CFAP20DC: variants seen among roughly 807,000 people sequenced by gnomAD.
The protein encoded by CFAP20DC is protein CFAP20DC.
CFAP20DC carries 84 observed loss-of-function variants against 101.7 expected under a neutral mutation model. That is an observed-to-expected ratio of 0.83 (90% CI 0.69 to 0.99). CFAP20DC has a LOEUF of 0.99. Ranked by LOEUF, CFAP20DC falls within the 50% of genes least tolerant of loss-of-function variation. The pLI is 0.00. For missense variants in CFAP20DC, 1,007 were observed against 970.3 expected (o/e 1.04, Z -0.50); for synonymous variants, 359 against 351.2 (o/e 1.02, Z -0.25).
intron 11 of CFAP20DC, among the ~76,000 whole-genome samples, chr3:58,866,261 A>G (rs1254405643): frequency 6.6e-6 from 1 of 152,230 alleles, no homozygotes; most frequent in Non-Finnish European, 1.5e-5. Flanking sequence ...TCCATTATAA[A>G]GAGGACTGGA....
intron 7 of CFAP20DC, among the ~76,000 whole-genome samples, chr3:58,883,071 GAATAA>G (rs2081343289): frequency 6.6e-6 from 1 of 152,192 alleles, no homozygotes; most frequent in Admixed American, 6.5e-5. Context: ...TAAGTATAGA[GAATAA>G]AATGAGTTCA....
rs75027726 is a variant in CFAP20DC, at chr3:58,947,978, C to T, written c.279-10216G>A. ...ACTGACTCCCAATCCCCAAGGGTTA[C>T]GGGCTGCCTTTAGGGGCCTTAACTC... On this transcript the variant is annotated intron_variant, in intron 4 of 16. Transcript: ENST00000482387. Among the ~76,000 whole-genome samples, 33 of 152,274 alleles carry T rather than the reference C, an allele frequency of 2.2e-4. No individual in the cohort carries two copies. In the East Asian group the frequency reaches 4.3e-3, roughly 20 times the overall value.
At chr3:58,906,061 A>G (rs1334552748) in intron 6 of CFAP20DC, among the ~76,000 whole-genome samples, 2 of 152,180 alleles carry the variant, frequency 1.3e-5, no homozygotes, top group Non-Finnish European at 2.9e-5. Context: ...TGACCTCTCC[A>G]TGCCTCAGTT....
intron 14 of CFAP20DC, among the ~76,000 whole-genome samples, chr3:58,822,254 C>T (rs566216674): frequency 6.7e-6 from 1 of 150,048 alleles, no homozygotes; most frequent in Non-Finnish European, 1.5e-5. Context: ...ATGTAACTAA[C>T]CTGCACAATG....
At chr3:58,730,624 A>G (rs1575517565) in intron 3 of CFAP20DC, among the ~76,000 whole-genome samples, 1 of 152,322 alleles carries the variant, frequency 6.6e-6, no homozygotes, top group South Asian at 2.1e-4. Context: ...TATCTCAGCA[A>G]TCAGATGCAT....
At chr3:58,980,154 C>A (rs979067800) in intron 4 of CFAP20DC, among the ~76,000 whole-genome samples, 1 of 152,174 alleles carries the variant, frequency 6.6e-6, no homozygotes, top group Admixed American at 6.6e-5. Flanking sequence ...ATGCCATTGG[C>A]TTCCCACTAC....
chr3:58,912,682 T>G lies in CFAP20DC; in HGVS notation c.550+1026A>C, dbSNP rs1357959630. Reference sequence around the variant, plus strand: ...TCAGTATTCTTTCAATACTTTTGGTTGTTTAAAACCATCTGAGCAGTATGG... The same window carrying G: ...TCAGTATTCTTTCAATACTTTTGGTGGTTTAAAACCATCTGAGCAGTATGG... On this transcript the variant is annotated intron_variant, in intron 6 of 16. Transcript: ENST00000482387. The surrounding 1 kb of genome is among the most constrained non-coding windows in gnomAD (Gnocchi z 4.4). 2.2e-6 allele frequency: 1 copy of G among 449,354 alleles called. No individual in the cohort carries two copies. The highest frequency in any genetic ancestry group is 2.5e-5 in the Admixed American group (1 of 40,806). 27.8% of individuals were successfully genotyped at this position (449,354 alleles called of 1,614,324 possible). A position where few individuals can be genotyped will look rare whatever the true frequency, so the allele number is the denominator to read the frequency against.
intron 16 of CFAP20DC, 118 bp downstream of exon 16, chr3:58,753,651 G>A: frequency 2.7e-6 from 2 of 737,914 alleles, no homozygotes; most frequent in Non-Finnish European, 4.7e-6. Context: ...CATTTAGGGT[G>A]TGTAAGACTA....
intron 5 of CFAP20DC, among the ~76,000 whole-genome samples, chr3:58,932,960 T>C (rs1343944285): frequency 6.6e-6 from 1 of 152,128 alleles, no homozygotes; most frequent in Non-Finnish European, 1.5e-5. Flanking sequence ...AATGCTCCAA[T>C]TAAAAAACAC....
At chr3:58,781,924 CTA>C (rs1381966283) in intron 15 of CFAP20DC, among the ~76,000 whole-genome samples, 1 of 151,952 alleles carries the variant, frequency 6.6e-6, no homozygotes, top group Non-Finnish European at 1.5e-5. Context: ...CTGACTCATT[CTA>C]TGAGACCAGC....
intron 4 of CFAP20DC, among the ~76,000 whole-genome samples, chr3:59,027,731 C>T (rs913211718): frequency 3.3e-5 from 5 of 152,176 alleles, no homozygotes; most frequent in Admixed American, 3.3e-4. Context: ...GCAGTTGCTT[C>T]TTTTCTAAGA....
Position 58,913,638 on chromosome 3 carries a change from T to C in CFAP20DC, c.550+70A>G. 1 of 1,494,296 alleles carries C rather than the reference T, an allele frequency of 6.7e-7. No homozygotes were observed. The highest frequency in any genetic ancestry group is 1.1e-5 in the South Asian group (1 of 88,684). 92.6% of individuals were successfully genotyped at this position (1,494,296 alleles called of 1,614,324 possible). On this transcript the variant is annotated intron_variant, in intron 6 of 16. Coordinates refer to ENST00000482387, the MANE Select transcript of CFAP20DC (RefSeq NM_001394063.1). The surrounding 1 kb of genome is among the most constrained non-coding windows in gnomAD (Gnocchi z 4.4). ...AAACTGCTACCACACACTCATACTATCCCAAAGGTATGGCTAATTTTAAAA... is the reference window on the plus strand; with the variant it reads ...AAACTGCTACCACACACTCATACTACCCCAAAGGTATGGCTAATTTTAAAA...
intron 5 of CFAP20DC, among the ~76,000 whole-genome samples, chr3:58,920,072 CTTTTTT>C (rs71091396): frequency 2.1e-5 from 1 of 46,784 alleles, no homozygotes; most frequent in Non-Finnish European, 3.7e-5. Context: ...GGTGGATATT[CTTTTTT>C]TTTTTTTTTT....
chr3:58,787,113 T>G (rs1011633138), intron 15 of CFAP20DC, among the ~76,000 whole-genome samples: 14 of 151,936 alleles, frequency 9.2e-5, no homozygotes, highest in African/African-American at 3.4e-4. Context: ...TAATTTTATA[T>G]AAAAGTAATT....
At chr3:58,911,957 T>C (rs2084202249) in intron 6 of CFAP20DC, among the ~76,000 whole-genome samples, 1 of 152,112 alleles carries the variant, frequency 6.6e-6, no homozygotes, top group South Asian at 2.1e-4. Flanking sequence ...AAGCTGCAAA[T>C]TCTTGAGCCT....
At chr3:58,814,737 T>G (rs2107822544) in intron 14 of CFAP20DC, among the ~76,000 whole-genome samples, 1 of 150,732 alleles carries the variant, frequency 6.6e-6, no homozygotes. Context: ...AGCCAAATCA[T>G]GAGTGAACTC....
chr3:58,929,240 A>AC (rs1235130917), intron 5 of CFAP20DC, among the ~76,000 whole-genome samples: 1 of 152,222 alleles, frequency 6.6e-6, no homozygotes, highest in Non-Finnish European at 1.5e-5. Flanking sequence ...ATGAATGTGC[A>AC]CTATGTGTGT....
At chr3:58,924,030 G>C (rs1055951172) in intron 5 of CFAP20DC, among the ~76,000 whole-genome samples, 2 of 152,016 alleles carry the variant, frequency 1.3e-5, no homozygotes, top group African/African-American at 4.8e-5. Context: ...TACCCATCCA[G>C]TGAATCTTTT....
At position 58,859,335 on chromosome 3, in the gene CFAP20DC, CT is replaced by C. The variant is rs1346459931; in HGVS notation, c.1593+4222del. The stretch of plus-strand genomic sequence containing the variant: ...TGAATATTTTGGCAAAGTGATTAGG[CT>C]TTTCTAATTTTTCAAGGCAAAACAT... On this transcript the variant is annotated intron_variant, in intron 12 of 16. Transcript: ENST00000482387. The surrounding 1 kb of genome is among the most constrained non-coding windows in gnomAD (Gnocchi z 4.1). Among the ~76,000 whole-genome samples, 1 of 152,138 alleles carries C rather than the reference CT, an allele frequency of 6.6e-6. No homozygotes were observed. The highest frequency in any genetic ancestry group is 1.5e-5 in the Non-Finnish European group (1 of 68,008).
Sources: allele counts gnomAD v4.1 joint callset (sites outside exome capture counted in the v4.1 genomes callset), GRCh38; gene constraint gnomAD v4.1.1; non-coding constraint Gnocchi (gnomAD v3.1); transcripts MANE v1.5; gene names NCBI Gene and HGNC (gene_info 2026-07-23, HGNC 2026-07-21).